SLC44A2: variants seen among roughly 807,000 people sequenced by gnomAD.
The protein encoded by SLC44A2 is choline transporter-like protein 2.
A neutral mutation model predicts 90.8 loss-of-function variants in SLC44A2; 57 were observed. That is an observed-to-expected ratio of 0.63 (90% CI 0.51 to 0.78). The LOEUF (loss-of-function observed/expected upper bound fraction) is 0.78. Among genes scored for constraint, SLC44A2 ranks in the 30% least tolerant of loss-of-function variants. SLC44A2 has a pLI of 0.00. For synonymous variants in SLC44A2, 355 were observed against 360.7 expected (o/e 0.98, Z 0.18); for missense variants, 794 against 919.7 (o/e 0.86, Z 1.77).
intron 13 of SLC44A2, 79 bp downstream of exon 13, chr19:10,635,334 G>A: frequency 3.7e-6 from 6 of 1,605,534 alleles, no homozygotes; most frequent in African/African-American, 1.3e-5. Flanking sequence ...CTGCAGCTTA[G>A]GGATAGGGCT....
intron 1 of SLC44A2, among the ~76,000 whole-genome samples, chr19:10,604,688 A>G (rs553814553): frequency 1.3e-5 from 2 of 152,126 alleles, no homozygotes; most frequent in South Asian, 2.1e-4. Context: ...GTCTTTGTCT[A>G]TAGGACTCGG....
chr19:10,643,252 C>A, intron 21 of SLC44A2, 27 bp from the exon 22 acceptor site: 1 of 1,598,914 alleles, frequency 6.3e-7, no homozygotes, highest in African/African-American at 1.3e-5. Context: ...CCCCTCATGC[C>A]TCCTGCTCTG....
chr19:10,636,923 G>C (rs2067063342), intron 16 of SLC44A2, 167 bp downstream of exon 16: 1 of 696,610 alleles, frequency 1.4e-6, no homozygotes, highest in East Asian at 2.8e-5. Context: ...TGAGTCCTGC[G>C]ATGGAGGAGC....
intron 1 of SLC44A2, among the ~76,000 whole-genome samples, chr19:10,620,002 T>G (rs2066885093): frequency 6.6e-6 from 1 of 151,598 alleles, no homozygotes; most frequent in Admixed American, 6.6e-5. Flanking sequence ...TGAAATCCTG[T>G]CTCTACAAAA....
intron 16 of SLC44A2, 65 bp from the exon 17 acceptor site, chr19:10,637,579 G>T: frequency 7.0e-7 from 1 of 1,418,774 alleles, no homozygotes; most frequent in Non-Finnish European, 1.0e-6. Flanking sequence ...TGATAGGGAA[G>T]AGGGGATCCC....
At chr19:10,625,461 T>A, upstream of SLC44A2, 1 of 1,215,744 alleles carries the variant, frequency 8.2e-7, no homozygotes, top group Non-Finnish European at 1.0e-6. Context: ...GGTCCCTTAG[T>A]CTGGGCAGCT....
chr19:10,607,898 A>G (rs1918158873), intron 1 of SLC44A2, among the ~76,000 whole-genome samples: 1 of 149,842 alleles, frequency 6.7e-6, no homozygotes, highest in Non-Finnish European at 1.5e-5. Flanking sequence ...GGCGCCCGCC[A>G]CTGTGCCTGC....
At chr19:10,642,031 G>T (rs1004063002) in intron 20 of SLC44A2, among the ~76,000 whole-genome samples, 3 of 150,748 alleles carry the variant, frequency 2.0e-5, no homozygotes, top group African/African-American at 7.3e-5. Flanking sequence ...GTGGTGGCAC[G>T]TGCCTGTAGT....
chr19:10,619,826 G>A (rs966736974), intron 1 of SLC44A2, among the ~76,000 whole-genome samples: 1 of 152,094 alleles, frequency 6.6e-6, no homozygotes, highest in Non-Finnish European at 1.5e-5. Flanking sequence ...GTGGTGGCGT[G>A]CACCTGTAGT....
chr19:10,616,753 A>T (rs8107247), intron 1 of SLC44A2, among the ~76,000 whole-genome samples: 122,288 of 150,924 alleles, frequency 0.81, 49,669 homozygotes, highest in African/African-American at 0.86. Flanking sequence ...TCTCAAAAAA[A>T]AAAAATAGAG....
intron 20 of SLC44A2, chr19:10,641,405 A>C (rs1188550817): frequency 1.7e-5 from 7 of 414,620 alleles, no homozygotes; most frequent in Admixed American, 2.7e-5. Context: ...AAAAAAAAAC[A>C]AAAAAAAAAC....
intron 16 of SLC44A2, among the ~76,000 whole-genome samples, chr19:10,637,311 G>A (rs2067068241): frequency 1.3e-5 from 2 of 152,018 alleles, no homozygotes; most frequent in South Asian, 4.1e-4. Context: ...GAGACCGAGC[G>A]ACTGCACTCC....
intron 10 of SLC44A2, among the ~76,000 whole-genome samples, chr19:10,634,034 G>A (rs181967311): frequency 0.028 from 3,957 of 141,028 alleles, 185 homozygotes; most frequent in African/African-American, 0.1. Context: ...GCAGTGGCGC[G>A]ATCTCAGCTC....
chr19:10,635,528 G>T lies in SLC44A2; in HGVS notation c.1233+13G>T. ...CTGCAACCCAGAGGTGGGCGTCCCC[G>T]GGGTGGGGAGGGCAGGTATTGCCCC... is the stretch of plus-strand genomic sequence containing the variant. On this transcript the variant is annotated intron_variant, in intron 14 of 21. Coordinates refer to ENST00000335757, the MANE Select transcript of SLC44A2 (RefSeq NM_020428.4). 6.2e-7 allele frequency: 1 copy of T among 1,608,754 alleles called. No homozygotes were observed. The highest frequency in any genetic ancestry group is 1.1e-5 in the South Asian group (1 of 90,792).
At chr19:10,603,969 G>A (rs1918031760) in intron 1 of SLC44A2, among the ~76,000 whole-genome samples, 1 of 152,188 alleles carries the variant, frequency 6.6e-6, no homozygotes, top group African/African-American at 2.4e-5. Flanking sequence ...TTGAGCTGTG[G>A]TCGGAGCTAG....
intron 14 of SLC44A2, chr19:10,635,977 C>A: frequency 3.5e-6 from 1 of 282,894 alleles, no homozygotes; most frequent in East Asian, 9.0e-5. Context: ...CAGGGTTTCA[C>A]CATGTTAGCC....
chr19:10,618,700 C>G (rs949392632), intron 1 of SLC44A2, among the ~76,000 whole-genome samples: 1 of 151,822 alleles, frequency 6.6e-6, no homozygotes, highest in Admixed American at 6.6e-5. Context: ...AGAATGGTCT[C>G]GATCTCCTGA....
intron 4 of SLC44A2, among the ~76,000 whole-genome samples, chr19:10,629,818 A>G (rs2144853502): frequency 6.6e-6 from 1 of 150,410 alleles, no homozygotes; most frequent in South Asian, 2.1e-4. Context: ...CAATGGTGCG[A>G]TCTTGGCTCA....
chr19:10,631,434 A>C, intron 6 of SLC44A2, 41 bp from the exon 7 acceptor site: 1 of 1,614,096 alleles, frequency 6.2e-7, no homozygotes, highest in Non-Finnish European at 8.5e-7. Flanking sequence ...GTGGCAGTGT[A>C]CTAGACTTGG....
Sources: gnomAD v4.1 joint callset for allele counts (sites outside exome capture counted in the v4.1 genomes callset) on GRCh38, gnomAD v4.1.1 for gene constraint, MANE v1.5 for transcripts, NCBI Gene and HGNC (gene_info 2026-07-23, HGNC 2026-07-21) for gene names.